The following KAZN variants were observed in gnomAD, a reference collection of about 807,000 sequenced individuals.
The protein encoded by KAZN is kazrin, periplakin interacting protein.
KAZN carries 40 observed loss-of-function variants against 87.4 expected under a neutral mutation model. That is an observed-to-expected ratio of 0.46 (90% CI 0.36 to 0.60). The LOEUF (loss-of-function observed/expected upper bound fraction) is 0.60. Among genes scored for constraint, KAZN ranks in the 20% least tolerant of loss-of-function variants. The probability of loss-of-function intolerance (pLI) is 0.00; values close to 1 mark genes in which losing one functional copy is unlikely to be tolerated. For synonymous variants in KAZN, 466 were observed against 458.3 expected, an observed-to-expected ratio of 1.02 and a Z score of -0.22; for missense variants, 898 against 1,073.9, an observed-to-expected ratio of 0.84 and a Z score of 2.29.
At chr1:14,924,054 G>A in intron 1 of KAZN, 1 of 912,836 alleles carries the variant, frequency 1.1e-6, no homozygotes, top group Non-Finnish European at 1.3e-6. Flanking sequence ...CGGCGGGGCG[G>A]GGGCGGGGCG....
At chr1:14,233,952 G>A (rs535909165) in intron 2 of KAZN, among the ~76,000 whole-genome samples, 4 of 152,306 alleles carry the variant, frequency 2.6e-5, no homozygotes, top group South Asian at 2.1e-4. Flanking sequence ...CTGTTAGTAG[G>A]AGTGTAAATT....
At chr1:14,662,955 ATATG>A in intron 1 of KAZN, among the ~76,000 whole-genome samples, 2 of 144,020 alleles carry the variant, frequency 1.4e-5, no homozygotes, top group African/African-American at 2.6e-5. Flanking sequence ...ATATATATAT[ATATG>A]CACACATATA....
At chr1:14,030,644 A>G (rs1384976458) in intron 1 of KAZN, among the ~76,000 whole-genome samples, 2 of 138,740 alleles carry the variant, frequency 1.4e-5, no homozygotes, top group Non-Finnish European at 3.2e-5. Flanking sequence ...ATACACACAC[A>G]CACACACACA....
intron 2 of KAZN, among the ~76,000 whole-genome samples, chr1:14,994,355 G>A (rs929765414): frequency 6.6e-5 from 10 of 152,170 alleles, no homozygotes; most frequent in African/African-American, 2.2e-4. Flanking sequence ...CCCTCATTGC[G>A]CCATACATTG....
intron 2 of KAZN, among the ~76,000 whole-genome samples, chr1:14,258,030 A>G (rs930926682): frequency 5.3e-5 from 8 of 150,394 alleles, no homozygotes; most frequent in African/African-American, 2.0e-4. Context: ...AAATTAGACA[A>G]TTTGATAGAA....
At chr1:15,031,337 CAAG>C (rs1369138128) in intron 2 of KAZN, among the ~76,000 whole-genome samples, 1 of 152,222 alleles carries the variant, frequency 6.6e-6, no homozygotes, top group Non-Finnish European at 1.5e-5. Flanking sequence ...ACTCCAGACA[CAAG>C]GAGGCTGTGG....
intron 2 of KAZN, among the ~76,000 whole-genome samples, chr1:14,463,203 A>G (rs1571709800): frequency 6.6e-6 from 1 of 152,310 alleles, no homozygotes; most frequent in South Asian, 2.1e-4. Context: ...TGGTAGCTTC[A>G]GGGTTGTTGC....
chr1:14,334,364 CAAAAAAAAA>C (rs34525897), intron 2 of KAZN, among the ~76,000 whole-genome samples: 6 of 61,380 alleles, frequency 9.8e-5, no homozygotes, highest in African/African-American at 2.3e-4. Flanking sequence ...GATTCCATCT[CAAAAAAAAA>C]AAAAAAAAAA....
chr1:14,297,440 C>T (rs796895511), intron 2 of KAZN, among the ~76,000 whole-genome samples: 1 of 152,150 alleles, frequency 6.6e-6, no homozygotes, highest in Non-Finnish European at 1.5e-5. Context: ...GGACACTCAC[C>T]TTTTTATTTT....
chr1:14,424,640 G>A (rs924841340), intron 2 of KAZN, among the ~76,000 whole-genome samples: 4 of 152,162 alleles, frequency 2.6e-5, no homozygotes, highest in South Asian at 4.1e-4. Context: ...AAATGCCCAC[G>A]AAAGGGACCT....
intron 2 of KAZN, among the ~76,000 whole-genome samples, chr1:14,590,231 G>T (rs1018648406): frequency 2.6e-5 from 4 of 152,078 alleles, no homozygotes; most frequent in Non-Finnish European, 5.9e-5. Context: ...AATCACTGGG[G>T]TACCATTTTA....
intron 1 of KAZN, among the ~76,000 whole-genome samples, chr1:13,947,793 C>T (rs1376577178): frequency 5.9e-5 from 9 of 152,140 alleles, no homozygotes; most frequent in African/African-American, 9.7e-5. Context: ...CGTGATCTTC[C>T]GTCTGTGTGT....
chr1:14,033,615 G>A (rs1434936715), intron 1 of KAZN, among the ~76,000 whole-genome samples: 1 of 152,196 alleles, frequency 6.6e-6, no homozygotes, highest in East Asian at 1.9e-4. Flanking sequence ...GAAGGTTATT[G>A]AAAGTGAGGA....
At chr1:14,796,741 G>A (rs182107297) in intron 1 of KAZN, among the ~76,000 whole-genome samples, 2 of 152,294 alleles carry the variant, frequency 1.3e-5, no homozygotes, top group South Asian at 2.1e-4. Context: ...GAGAGTCCTC[G>A]CCCCCATCAC....
At chr1:14,251,710 A>G (rs1488546974) in intron 2 of KAZN, among the ~76,000 whole-genome samples, 2 of 138,398 alleles carry the variant, frequency 1.4e-5, no homozygotes, top group Non-Finnish European at 3.0e-5. Context: ...GTGCAGTGGC[A>G]TGATCATGGC....
intron 1 of KAZN, among the ~76,000 whole-genome samples, chr1:13,981,128 T>TGTATATATATATATG (rs375605048): frequency 7.4e-6 from 1 of 134,456 alleles, no homozygotes; most frequent in African/African-American, 2.7e-5. Context: ...TAAACACAGA[T>TGTATATATATATATG]TATATATAGT....
intron 1 of KAZN, among the ~76,000 whole-genome samples, chr1:14,855,685 CTGCTCCTATG>C (rs1650016412): frequency 1.3e-5 from 2 of 152,228 alleles, no homozygotes; most frequent in South Asian, 4.1e-4. Flanking sequence ...TCATATTGAA[CTGCTCCTATG>C]TGCTGGGCAC....
At position 14,921,163 on chromosome 1, in the gene KAZN, C is replaced by CAG. The variant is rs1306820968; in HGVS notation, c.227-39520_227-39519insGA. Among the ~76,000 whole-genome samples the CAG allele has an allele frequency of 1.7e-4, 26 of 151,116 alleles. 1 individual carries two copies. Among genetic ancestry groups the CAG allele is most frequent in the Admixed American group, 1.1e-3 (16 of 15,182 alleles). ...TGGGCCTGAGCATGCAACACACACA[C>CAG]ACACACACACACACACACACACACA... On this transcript the variant is annotated intron_variant, in intron 1 of 14. Coordinates refer to ENST00000376030, the MANE Select transcript of KAZN (RefSeq NM_201628.3).
intron 1 of KAZN, among the ~76,000 whole-genome samples, chr1:13,940,249 A>T (rs6429810): frequency 0.77 from 116,839 of 151,920 alleles, 45,162 homozygotes; most frequent in South Asian, 0.92. Context: ...TCAGCTGTGA[A>T]TCCATTTGCT....
Sources: allele counts gnomAD v4.1 joint callset (sites outside exome capture counted in the v4.1 genomes callset), GRCh38; gene constraint gnomAD v4.1.1; transcripts MANE v1.5; gene names NCBI Gene and HGNC (gene_info 2026-07-23, HGNC 2026-07-21).